DENND1A: variants seen among roughly 807,000 people sequenced by gnomAD.
DENND1A encodes DENN domain-containing protein 1A.
A neutral mutation model predicts 113.7 loss-of-function variants in DENND1A; 51 were observed. That is an observed-to-expected ratio of 0.45 (90% CI 0.36 to 0.57). DENND1A has a LOEUF of 0.57. Among genes scored for constraint, DENND1A ranks in the 20% least tolerant of loss-of-function variants. The pLI, the probability that DENND1A is intolerant of heterozygous loss-of-function variation, is 0.00. For synonymous variants in DENND1A, 565 were observed against 570.8 expected, an observed-to-expected ratio of 0.99 and a Z score of 0.14; for missense variants, 1,258 against 1,395.9, an observed-to-expected ratio of 0.90 and a Z score of 1.57.
chr9:123,755,359 T>C lies in DENND1A; in HGVS notation c.302+2344A>G, dbSNP rs536905219. 2.8e-4 allele frequency among the ~76,000 whole-genome samples: 43 copies of C among 151,884 alleles called. 2 individuals are homozygous for C. In the South Asian group the frequency reaches 7.9e-3, roughly 28 times the overall value. On this transcript the variant is annotated intron_variant, in intron 5 of 23. Transcript: ENST00000394215. ...GGGTTTTGCCATGTGGGCCAGGCTG[T>C]TCTTGAACTCCTGACCTCAGGTGAT... is the stretch of plus-strand genomic sequence containing the variant.
rs567512640 is a variant in DENND1A at position 123,912,279 on chromosome 9, CAG to C, written c.17+17608_17+17609del. 1.7e-3 allele frequency among the ~76,000 whole-genome samples: 263 copies of C among 152,164 alleles called. 1 individual carries two copies. The highest frequency in any genetic ancestry group is 6.0e-3 in the African/African-American group (247 of 41,494). ...ACAAACATAAGATGGTTCTGAAAGGCAGAGAGAGAAGCAGAACAGCTAGTGAC... is the reference window on the plus strand; with the variant it reads ...ACAAACATAAGATGGTTCTGAAAGGCAGAGAGAAGCAGAACAGCTAGTGAC... On this transcript the variant is annotated intron_variant, in intron 1 of 23. Coordinates refer to ENST00000394215, the MANE Select transcript of DENND1A (RefSeq NM_001352964.2).
chr9:123,717,430 A>AT (rs2067048382), intron 5 of DENND1A, among the ~76,000 whole-genome samples: 1 of 152,222 alleles, frequency 6.6e-6, no homozygotes, highest in South Asian at 2.1e-4. Flanking sequence ...GGAAAGAGAG[A>AT]TAAAAAAGAA....
At chr9:123,750,754 T>C (rs1049362569) in intron 5 of DENND1A, among the ~76,000 whole-genome samples, 1 of 152,200 alleles carries the variant, frequency 6.6e-6, no homozygotes, top group Non-Finnish European at 1.5e-5. Context: ...GAATGGCATT[T>C]AAGGCACTGG....
intron 5 of DENND1A, among the ~76,000 whole-genome samples, chr9:123,706,395 C>G (rs1295765096): frequency 6.6e-6 from 1 of 151,690 alleles, no homozygotes; most frequent in African/African-American, 2.4e-5. Flanking sequence ...CATGATCTGC[C>G]CATTTTGGCC....
chr9:123,613,968 G>C (rs923631216), intron 10 of DENND1A, among the ~76,000 whole-genome samples: 1 of 152,160 alleles, frequency 6.6e-6, no homozygotes, highest in Admixed American at 6.5e-5. Context: ...TGCTGGTGTT[G>C]AGGCAGACAC....
intron 13 of DENND1A, among the ~76,000 whole-genome samples, chr9:123,523,647 C>G (rs1201828677): frequency 3.3e-5 from 5 of 152,212 alleles, no homozygotes; most frequent in Non-Finnish European, 7.3e-5. Context: ...CAAAAACTTA[C>G]AGTGGCAGCT....
chr9:123,397,202 T>C (rs1454714074), intron 21 of DENND1A, among the ~76,000 whole-genome samples: 4 of 152,214 alleles, frequency 2.6e-5, no homozygotes, highest in Non-Finnish European at 2.9e-5. Flanking sequence ...TTGCCCAGGC[T>C]GGAGGGCAGT....
intron 1 of DENND1A, among the ~76,000 whole-genome samples, chr9:123,886,699 T>C (rs759267795): frequency 6.6e-6 from 1 of 152,196 alleles, no homozygotes; most frequent in Non-Finnish European, 1.5e-5. Context: ...GACTCTGAAA[T>C]TAAAGCCTTT....
chr9:123,566,327 C>A (rs2058049964), intron 12 of DENND1A, among the ~76,000 whole-genome samples: 1 of 152,128 alleles, frequency 6.6e-6, no homozygotes, highest in African/African-American at 2.4e-5. Flanking sequence ...CTTCTGCATC[C>A]CATTCTCCCC....
At chr9:123,676,646 A>T in intron 6 of DENND1A, 74 bp downstream of exon 6, 1 of 1,410,878 alleles carries the variant, frequency 7.1e-7, no homozygotes, top group Non-Finnish European at 9.8e-7. Context: ...GTAAAATATA[A>T]GGCATGTTTT....
chr9:123,558,034 T>G (rs1433067719), intron 12 of DENND1A, among the ~76,000 whole-genome samples: 2 of 152,162 alleles, frequency 1.3e-5, no homozygotes, highest in Non-Finnish European at 2.9e-5. Context: ...TTTTTGAAAT[T>G]TAAATGAATG....
intron 20 of DENND1A, among the ~76,000 whole-genome samples, chr9:123,406,828 G>GCGGGGCCC (rs1435032788): frequency 6.6e-6 from 1 of 152,080 alleles, no homozygotes. Flanking sequence ...CCCCTGCCCC[G>GCGGGGCCC]CGGGGCCCCG....
intron 13 of DENND1A, among the ~76,000 whole-genome samples, chr9:123,461,642 G>T (rs75339791): frequency 0.076 from 11,600 of 152,270 alleles, 513 homozygotes; most frequent in Admixed American, 0.097. Flanking sequence ...ATTCGTAGAT[G>T]AGGTAGTCTG....
At chr9:123,776,072 C>T (rs951985938) in intron 3 of DENND1A, among the ~76,000 whole-genome samples, 2 of 152,160 alleles carry the variant, frequency 1.3e-5, no homozygotes, top group Non-Finnish European at 2.9e-5. Flanking sequence ...CACCTCTACC[C>T]ACAACTTCCC....
Position 123,858,270 on chromosome 9 carries a change from G to A in DENND1A, c.88+20681C>T, listed in dbSNP as rs1344616966. Among the ~76,000 whole-genome samples the A allele has an allele frequency of 2.0e-5, 3 of 152,272 alleles. No individual in the cohort carries two copies. In the East Asian group the frequency reaches 5.8e-4, roughly 29 times the overall value. On this transcript the variant is annotated intron_variant, in intron 2 of 23. Transcript: ENST00000394215. ...GAGAATCACCTTGTTTGCAGTAGTC[G>A]ACATAGTCGACTGACGTAGTCGAGG...
At chr9:123,648,240 C>G (rs1041467214) in intron 9 of DENND1A, among the ~76,000 whole-genome samples, 1 of 152,124 alleles carries the variant, frequency 6.6e-6, no homozygotes, top group African/African-American at 2.4e-5. Context: ...CTACCACGCT[C>G]ATTTTTAATT....
At chr9:123,893,997 C>T (rs551070911) in intron 1 of DENND1A, among the ~76,000 whole-genome samples, 33 of 152,310 alleles carry the variant, frequency 2.2e-4, no homozygotes, top group Middle Eastern at 6.8e-3. Flanking sequence ...CAGTTGCTCT[C>T]TCCACACCGT....
rs550925348 is a variant in DENND1A, at chr9:123,521,603, G to A, written c.993+35967C>T. The stretch of plus-strand genomic sequence containing the variant: ...TTCCTTAAAGAAGGGCCTTCCATGC[G>A]GAAGGACAGGGGAGCTGGCTAAATG... On this transcript the variant is annotated intron_variant, in intron 13 of 23. Transcript: ENST00000394215. Among the ~76,000 whole-genome samples, 4 of 152,246 alleles carry A rather than the reference G, an allele frequency of 2.6e-5. No homozygotes were observed. The South Asian group carries it at 8.3e-4, about 32-fold the overall frequency.
At chr9:123,514,895 G>C (rs1203795768) in intron 13 of DENND1A, among the ~76,000 whole-genome samples, 7 of 152,166 alleles carry the variant, frequency 4.6e-5, no homozygotes, top group African/African-American at 1.7e-4. Context: ...AAGGAACCAG[G>C]ACTCACGGAG....
Sources: allele counts gnomAD v4.1 joint callset (sites outside exome capture counted in the v4.1 genomes callset), GRCh38; gene constraint gnomAD v4.1.1; transcripts MANE v1.5; gene names NCBI Gene and HGNC (gene_info 2026-07-23, HGNC 2026-07-21).